Variants in IL1RAPL1 observed in about 807,000 individuals in gnomAD.
IL1RAPL1 encodes interleukin-1 receptor accessory protein-like 1.
A neutral mutation model predicts 48.4 loss-of-function variants in IL1RAPL1; 3 were observed. That is an observed-to-expected ratio of 0.06 (90% confidence interval 0.03 to 0.16). The LOEUF (loss-of-function observed/expected upper bound fraction) is 0.16, where lower values mean the gene tolerates loss of function less well. Ranked by LOEUF, IL1RAPL1 falls within the 10% of genes least tolerant of loss-of-function variation. The pLI is 1.00. For missense variants in IL1RAPL1, 349 were observed against 530.6 expected, an observed-to-expected ratio of 0.66 and a Z score of 3.36; for synonymous variants, 185 against 187.7, an observed-to-expected ratio of 0.99 and a Z score of 0.12.
rs189071153 is a variant in IL1RAPL1, at chrX:29,672,250, A to G, written c.778+3746A>G. On this transcript the variant is annotated intron_variant, in intron 6 of 10. Coordinates refer to ENST00000378993, the MANE Select transcript of IL1RAPL1 (RefSeq NM_014271.4). Reference sequence around the variant, plus strand: ...AAAAGTAAAAATACTGGGTAAAAAGAAATAATTTTGTTAAAGGTTCTTAGT... The same window carrying G: ...AAAAGTAAAAATACTGGGTAAAAAGGAATAATTTTGTTAAAGGTTCTTAGT... Among the ~76,000 whole-genome samples the G allele has an allele frequency of 2.0e-3, 224 of 112,145 alleles. 2 individuals are homozygous for G. Among genetic ancestry groups the G allele is most frequent in the African/African-American group, 6.5e-3 (201 of 30,952 alleles).
At chrX:28,928,246 C>T (rs189454180) in intron 2 of IL1RAPL1, among the ~76,000 whole-genome samples, 1 of 111,416 alleles carries the variant, frequency 9.0e-6, no homozygotes, top group Admixed American at 9.6e-5. Flanking sequence ...CAAATCTGGC[C>T]ACTTTTCTGT....
chrX:28,876,868 T>G (rs1436155257), intron 2 of IL1RAPL1, among the ~76,000 whole-genome samples: 1 of 112,120 alleles, frequency 8.9e-6, no homozygotes, highest in East Asian at 2.8e-4. Flanking sequence ...CTGATTTTAT[T>G]TATCAGTTTT....
intron 2 of IL1RAPL1, among the ~76,000 whole-genome samples, chrX:28,934,546 C>A (rs1347730596): frequency 4.5e-5 from 5 of 111,000 alleles, no homozygotes; most frequent in African/African-American, 1.6e-4. Context: ...TGCTCCTAAC[C>A]CTTCCCCCTC....
At chrX:29,180,491 C>T (rs943338244) in intron 2 of IL1RAPL1, among the ~76,000 whole-genome samples, 5 of 109,517 alleles carry the variant, frequency 4.6e-5, no homozygotes, top group Non-Finnish European at 7.6e-5. Flanking sequence ...ATTCTCCTGC[C>T]TCAACCTCCC....
At chrX:29,239,071 G>T (rs1931360129) in intron 2 of IL1RAPL1, among the ~76,000 whole-genome samples, 1 of 111,715 alleles carries the variant, frequency 9.0e-6, no homozygotes, top group Non-Finnish European at 1.9e-5. Context: ...ATTTTAAAAA[G>T]CTTTCTTTAA....
intron 1 of IL1RAPL1, among the ~76,000 whole-genome samples, chrX:28,729,924 A>G (rs979165278): frequency 2.7e-5 from 3 of 111,522 alleles, no homozygotes; most frequent in African/African-American, 9.8e-5. Flanking sequence ...TGAACCCAGG[A>G]GGCGGAGCTT....
At chrX:28,825,808 C>T (rs997121012) in intron 2 of IL1RAPL1, among the ~76,000 whole-genome samples, 1 of 111,234 alleles carries the variant, frequency 9.0e-6, no homozygotes, top group African/African-American at 3.3e-5. Context: ...AATATAGTAG[C>T]AGTGACTCAA....
At chrX:29,423,489 G>A (rs973160474) in intron 5 of IL1RAPL1, among the ~76,000 whole-genome samples, 4 of 111,681 alleles carry the variant, frequency 3.6e-5, no homozygotes, top group Non-Finnish European at 7.5e-5. Context: ...AACAATATAG[G>A]TTAGCGATAC....
chrX:28,850,533 C>G (rs1280432811), intron 2 of IL1RAPL1, among the ~76,000 whole-genome samples: 1 of 111,087 alleles, frequency 9.0e-6, no homozygotes, highest in Admixed American at 9.6e-5. Context: ...TTTCCTTCCT[C>G]CCTCTCTTCC....
At chrX:29,330,501 C>A (rs1363387673) in intron 3 of IL1RAPL1, among the ~76,000 whole-genome samples, 1 of 111,599 alleles carries the variant, frequency 9.0e-6, no homozygotes, top group Non-Finnish European at 1.9e-5. Context: ...TCTGACTGTT[C>A]CAAGGTCAGA....
chrX:29,413,570 G>T (rs1175114048), intron 5 of IL1RAPL1, among the ~76,000 whole-genome samples: 1 of 97,705 alleles, frequency 1.0e-5, no homozygotes, highest in Non-Finnish European at 2.0e-5. Flanking sequence ...TGTTCTCGTT[G>T]TTCAGTTCCC....
At chrX:29,097,497 A>G (rs1928240724) in intron 2 of IL1RAPL1, among the ~76,000 whole-genome samples, 1 of 112,011 alleles carries the variant, frequency 8.9e-6, no homozygotes, top group Non-Finnish European at 1.9e-5. Flanking sequence ...TGAAAACAAC[A>G]GTATAAAAAC....
At position 29,294,093 on chromosome X, in the gene IL1RAPL1, G is replaced by A. The variant is rs1024400462; in HGVS notation, c.362+10876G>A. 1.7e-4 allele frequency among the ~76,000 whole-genome samples: 19 copies of A among 110,644 alleles called. No homozygotes were observed. The East Asian group carries it at 5.1e-3, about 30-fold the overall frequency. On this transcript the variant is annotated intron_variant, in intron 3 of 10. Coordinates refer to ENST00000378993, the MANE Select transcript of IL1RAPL1 (RefSeq NM_014271.4). Reference sequence around the variant, plus strand: ...CATGGAATGTAGAGAAGACAAAAAGGGGCTGATTAAAGAGCGTATGAAGGA... The same window carrying A: ...CATGGAATGTAGAGAAGACAAAAAGAGGCTGATTAAAGAGCGTATGAAGGA...
At chrX:29,147,659 A>G (rs1354064257) in intron 2 of IL1RAPL1, among the ~76,000 whole-genome samples, 1 of 112,091 alleles carries the variant, frequency 8.9e-6, no homozygotes, top group East Asian at 2.8e-4. Context: ...TTCTTGCCAC[A>G]GTTTATTCTC....
At chrX:29,871,289 C>T (rs970787429) in intron 6 of IL1RAPL1, among the ~76,000 whole-genome samples, 9 of 112,210 alleles carry the variant, frequency 8.0e-5, no homozygotes, top group Non-Finnish European at 1.5e-4. Flanking sequence ...AGTCTCTTTT[C>T]TCATGGAAGG....
intron 6 of IL1RAPL1, among the ~76,000 whole-genome samples, chrX:29,780,918 C>G (rs1424540400): frequency 1.8e-5 from 2 of 110,998 alleles, no homozygotes; most frequent in African/African-American, 6.5e-5. Flanking sequence ...TGAGAGTTGA[C>G]AACAGATGCT....
intron 6 of IL1RAPL1, among the ~76,000 whole-genome samples, chrX:29,769,453 T>TTTTTTC (rs1928999477): frequency 1.4e-5 from 1 of 72,022 alleles, no homozygotes; most frequent in African/African-American, 5.4e-5. Flanking sequence ...TTTTTTTTTT[T>TTTTTTC]TTTTTTTTGT....
chrX:29,036,106 C>T (rs1172017423), intron 2 of IL1RAPL1, among the ~76,000 whole-genome samples: 3 of 111,980 alleles, frequency 2.7e-5, no homozygotes, highest in Non-Finnish European at 3.8e-5. Context: ...CAGAAGCTAT[C>T]AACACTTCTT....
intron 6 of IL1RAPL1, among the ~76,000 whole-genome samples, chrX:29,841,583 A>G (rs1477335375): frequency 1.8e-5 from 2 of 111,741 alleles, no homozygotes; most frequent in African/African-American, 6.5e-5. Flanking sequence ...TATAGTCACT[A>G]TACTAGAATA....
Sources: allele counts gnomAD v4.1 joint callset (sites outside exome capture counted in the v4.1 genomes callset), GRCh38; gene constraint gnomAD v4.1.1; transcripts MANE v1.5; gene names NCBI Gene and HGNC (gene_info 2026-07-23, HGNC 2026-07-21).